AKR1E2: variants seen among roughly 807,000 people sequenced by gnomAD.
The protein encoded by AKR1E2 is 1,5-anhydro-D-fructose reductase.
In AKR1E2, 43 loss-of-function variants were observed where a neutral mutation model predicts 41.9. The ratio of observed to expected loss-of-function variants is 1.03; its 90% CI spans 0.80 to 1.32. AKR1E2 has a LOEUF of 1.32. Among genes scored for constraint, AKR1E2 ranks in the 40% most tolerant of loss-of-function variants. The pLI is 0.00. For synonymous variants in AKR1E2, 121 were observed against 138.9 expected (o/e 0.87, Z 0.91); for missense variants, 423 against 396.5 (o/e 1.07, Z -0.57).
At chr10:4,838,713 C>T (rs552199743) in intron 5 of AKR1E2, among the ~76,000 whole-genome samples, 10 of 152,220 alleles carry the variant, frequency 6.6e-5, no homozygotes, top group Non-Finnish European at 1.2e-4. Context: ...AACCTGGCTT[C>T]TGACCCAGCT....
Position 4,847,169 on chromosome 10 carries a change from C to T in AKR1E2, c.859C>T (p.Gln287Ter). 6.2e-7 allele frequency: 1 copy of T among 1,614,164 alleles called. No individual in the cohort carries two copies. The highest frequency in any genetic ancestry group is 1.7e-5 in the Admixed American group (1 of 60,008). ...CCAGGTGTTTGATTTTGAATTAACA[C>T]AGCACGATATGGATAACATCCTCAG... is the stretch of plus-strand genomic sequence containing the variant. ...NIQVFDFELT[Q>*]HDMDNILSLN... is the part of the protein sequence containing the mutation. Residue 287 changes from glutamine (Q) to a stop codon, truncating the protein, a stop_gained, in exon 9 of 10, where the codon CAG becomes TAG. Transcript: ENST00000298375. LOFTEE classifies it high-confidence loss of function.
At chr10:4,856,235 A>G in the AKR1E2 span, among the ~76,000 whole-genome samples, 1 of 152,256 alleles carries the variant, frequency 6.6e-6, no homozygotes, top group Non-Finnish European at 1.5e-5. Context: ...GTTAGAGTAA[A>G]GCTGAAGGTT....
intron 5 of AKR1E2, among the ~76,000 whole-genome samples, chr10:4,838,835 CT>C (rs1199765367): frequency 1.3e-5 from 2 of 152,158 alleles, no homozygotes; most frequent in Non-Finnish European, 2.9e-5. Flanking sequence ...TTGTTCAGCA[CT>C]TTAAATACCT....
Position 4,847,786 on chromosome 10 carries a change from A to T in AKR1E2, c.*256A>T. The T allele has an allele frequency of 2.1e-6, 1 of 487,218 alleles. No individual in the cohort carries two copies. The highest frequency in any genetic ancestry group is 3.6e-6 in the Non-Finnish European group (1 of 278,044). 30.2% of individuals were successfully genotyped at this position (487,218 alleles called of 1,614,324 possible). A position where few individuals can be genotyped will look rare whatever the true frequency, so the allele number is the denominator to read the frequency against. On this transcript the variant is annotated 3_prime_UTR_variant, in exon 10 of 10. Transcript: ENST00000298375. The stretch of plus-strand genomic sequence containing the variant: ...AAATACACTGATGAGTCATCAGTGA[A>T]ATTTGCCTTCACATTTTAAGAAAAC...
chr10:4,825,427 G>C (rs1217551357), upstream of AKR1E2, among the ~76,000 whole-genome samples: 4 of 152,210 alleles, frequency 2.6e-5, no homozygotes, highest in African/African-American at 9.6e-5. Flanking sequence ...ACTGGCCCTG[G>C]GGGAGCCCAG....
the AKR1E2 span, among the ~76,000 whole-genome samples, chr10:4,864,878 G>C: frequency 6.6e-6 from 1 of 152,144 alleles, no homozygotes. Flanking sequence ...CTTCCAACAA[G>C]GCTATCCTTC....
At chr10:4,857,590 A>G in the AKR1E2 span, among the ~76,000 whole-genome samples, 4,877 of 152,338 alleles carry the variant, frequency 0.032, 126 homozygotes, top group East Asian at 0.064. Flanking sequence ...TAAATTACCC[A>G]GTCTCAGGTA....
At chr10:4,856,991 T>C in the AKR1E2 span, among the ~76,000 whole-genome samples, 34,208 of 151,946 alleles carry the variant, frequency 0.23, 4,073 homozygotes, top group Middle Eastern at 0.34. Flanking sequence ...TATTAAACAA[T>C]AACTCCCCAT....
intron 5 of AKR1E2, among the ~76,000 whole-genome samples, chr10:4,838,255 C>G (rs1833594260): frequency 1.3e-5 from 2 of 152,206 alleles, no homozygotes. Context: ...TTCCCATTCC[C>G]AGCAGCTGGG....
At chr10:4,827,245 A>G (rs1588426589) in intron 1 of AKR1E2, among the ~76,000 whole-genome samples, 1 of 152,286 alleles carries the variant, frequency 6.6e-6, no homozygotes, top group Non-Finnish European at 1.5e-5. Context: ...TGAGCCGTGT[A>G]TACAATTGCA....
At chr10:4,830,531 C>T (rs1449279864) in intron 1 of AKR1E2, 144 bp from the exon 2 acceptor site, 2 of 779,600 alleles carry the variant, frequency 2.6e-6, no homozygotes, top group East Asian at 2.8e-5. Context: ...ACTGATATTG[C>T]CTGTTTTTAG....
rs1360709154 is a variant in AKR1E2 at position 4,827,408 on chromosome 10, A to T, written c.39+1045A>T. On this transcript the variant is annotated intron_variant, in intron 1 of 9. Transcript: ENST00000298375. ...CATCCTAGTGCGCAGTAAGTCTTAA[A>T]AGCTGTGTCTCCTGTGTGTTTGAAA... is the stretch of plus-strand genomic sequence containing the variant. Among the ~76,000 whole-genome samples, 5 of 144,590 alleles carry T rather than the reference A, an allele frequency of 3.5e-5. 1 individual carries two copies. The highest frequency in any genetic ancestry group is 7.9e-5 in the Non-Finnish European group (5 of 63,312). 94.9% of individuals were successfully genotyped at this position (144,590 alleles called of 152,430 possible).
At chr10:4,853,093 T>A in the AKR1E2 span, among the ~76,000 whole-genome samples, 1 of 152,190 alleles carries the variant, frequency 6.6e-6, no homozygotes, top group South Asian at 2.1e-4. Context: ...TACAAAGCAA[T>A]GGGGAAAGTA....
In AKR1E2 at chr10:4,826,315, G is replaced by A; in HGVS notation, c.-10G>A. 2 of 1,233,434 alleles carry A rather than the reference G, an allele frequency of 1.6e-6. No homozygotes were observed. The highest frequency in any genetic ancestry group is 2.0e-6 in the Non-Finnish European group (2 of 987,378). The allele number at this position is 1,233,434 out of a possible 1,614,324, so 76.4% of individuals were successfully genotyped here. A position where few individuals can be genotyped will look rare whatever the true frequency, so the allele number is the denominator to read the frequency against. ...GGGGCGGCGGGGCGGCGGGGCGGCC[G>A]GCGGCGGCCATGGGAGATATCCCAG... On this transcript the variant is annotated 5_prime_UTR_variant, in exon 1 of 10. Transcript: ENST00000298375.
downstream of AKR1E2, among the ~76,000 whole-genome samples, chr10:4,849,354 C>A (rs1834479580): frequency 6.6e-6 from 1 of 152,182 alleles, no homozygotes; most frequent in African/African-American, 2.4e-5. Context: ...ACCTTTTAAA[C>A]CTTTAAACTC....
rs763221880 is a variant in AKR1E2 at position 4,847,231 on chromosome 10, G to A, written c.920+1G>A. 156 of 1,613,912 alleles carry A rather than the reference G, an allele frequency of 9.7e-5. 1 individual carries two copies. Among genetic ancestry groups the A allele is most frequent in the Middle Eastern group, 3.3e-4 (2 of 6,084 alleles). On this transcript the variant is annotated splice_donor_variant, in intron 9 of 9. Transcript: ENST00000298375. LOFTEE classifies it high-confidence loss of function. ...ATCTCCGACTGGCCATGTTCCCCAT[G>A]TAAATATGGCTCCTTCTTTTTAAAA...
downstream of AKR1E2, among the ~76,000 whole-genome samples, chr10:4,852,872 CAG>C (rs1218506061): frequency 2.0e-5 from 3 of 152,112 alleles, no homozygotes; most frequent in Non-Finnish European, 4.4e-5. Flanking sequence ...GGCCTCTCTC[CAG>C]GACTTTTCCT....
Position 4,847,177 on chromosome 10 carries a change from T to C in AKR1E2, c.867T>C (p.Asp289=), listed in dbSNP as rs769542106. 9.3e-6 allele frequency: 15 copies of C among 1,614,082 alleles called. No homozygotes were observed. Among genetic ancestry groups the C allele is most frequent in the Non-Finnish European group, 1.3e-5 (15 of 1,180,046 alleles). Reference sequence around the variant, plus strand: ...TTGATTTTGAATTAACACAGCACGATATGGATAACATCCTCAGCCTAAACA... The same window carrying C: ...TTGATTTTGAATTAACACAGCACGACATGGATAACATCCTCAGCCTAAACA... ...QVFDFELTQH[D]MDNILSLNRN... Residue 289 remains aspartate, a synonymous_variant, in exon 9 of 10, where the codon GAT becomes GAC. Coordinates refer to ENST00000298375, the MANE Select transcript of AKR1E2 (RefSeq NM_001040177.3).
At chr10:4,844,427 G>A (rs560189506) in intron 8 of AKR1E2, among the ~76,000 whole-genome samples, 77 of 152,352 alleles carry the variant, frequency 5.1e-4, no homozygotes, top group African/African-American at 1.3e-3. Flanking sequence ...CAAAGCTTCC[G>A]CAGTGTGGAA....
Sources: gnomAD v4.1 joint callset for allele counts (sites outside exome capture counted in the v4.1 genomes callset) on GRCh38, gnomAD v4.1.1 for gene constraint, MANE v1.5 for transcripts, NCBI Gene and HGNC (gene_info 2026-07-23, HGNC 2026-07-21) for gene names.